CHMP4C: variants seen among roughly 807,000 people sequenced by gnomAD.
The protein encoded by CHMP4C is SNF7 homolog associated with Alix 3.
CHMP4C carries 28 observed loss-of-function variants against 29.0 expected under a neutral mutation model. That is an observed-to-expected ratio of 0.97 (90% CI 0.72 to 1.32). CHMP4C has a LOEUF of 1.32. Among genes scored for constraint, CHMP4C ranks in the 40% most tolerant of loss-of-function variants. CHMP4C has a pLI of 0.00. For synonymous variants in CHMP4C, 106 were observed against 102.4 expected, an observed-to-expected ratio of 1.04 and a Z score of -0.21; for missense variants, 291 against 281.0, an observed-to-expected ratio of 1.04 and a Z score of -0.25.
At chr8:81,746,928 A>G (rs1375687466) in intron 1 of CHMP4C, among the ~76,000 whole-genome samples, 4 of 152,238 alleles carry the variant, frequency 2.6e-5, no homozygotes, top group African/African-American at 9.6e-5. Context: ...ACTATGTGCC[A>G]CTGAACGAAA....
chr8:81,735,420 C>G (rs1224512107), intron 1 of CHMP4C, among the ~76,000 whole-genome samples: 1 of 151,070 alleles, frequency 6.6e-6, no homozygotes, highest in Non-Finnish European at 1.5e-5. Context: ...TCATATACTT[C>G]ATAACTTCAT....
intron 1 of CHMP4C, among the ~76,000 whole-genome samples, chr8:81,739,959 T>G (rs1808742912): frequency 6.6e-6 from 1 of 152,240 alleles, no homozygotes; most frequent in Non-Finnish European, 1.5e-5. Flanking sequence ...TATTTGACAT[T>G]TATTTCTATT....
At chr8:81,744,970 T>A (rs1486956768) in intron 1 of CHMP4C, among the ~76,000 whole-genome samples, 2 of 152,240 alleles carry the variant, frequency 1.3e-5, no homozygotes, top group African/African-American at 4.8e-5. Flanking sequence ...AATTTTCTAT[T>A]TCCCCAGTTG....
chr8:81,754,196 A>T (rs959628483), intron 2 of CHMP4C, among the ~76,000 whole-genome samples: 2 of 152,136 alleles, frequency 1.3e-5, no homozygotes, highest in Non-Finnish European at 2.9e-5. Context: ...TCAGGTAGAC[A>T]TTAGATTCAT....
At chr8:81,734,790 T>C (rs1170840670) in intron 1 of CHMP4C, among the ~76,000 whole-genome samples, 1 of 152,218 alleles carries the variant, frequency 6.6e-6, no homozygotes, top group Non-Finnish European at 1.5e-5. Context: ...GATCTCAATT[T>C]GACTTTATGA....
intron 1 of CHMP4C, among the ~76,000 whole-genome samples, chr8:81,746,836 C>T (rs146465237): frequency 6.6e-6 from 1 of 152,296 alleles, no homozygotes; most frequent in African/African-American, 2.4e-5. Flanking sequence ...CAGTGTCATA[C>T]CATGAGAGTC....
chr8:81,747,674 A>T (rs998555813), intron 1 of CHMP4C, among the ~76,000 whole-genome samples: 1 of 152,150 alleles, frequency 6.6e-6, no homozygotes, highest in Non-Finnish European at 1.5e-5. Context: ...ATAAAGGGAC[A>T]GAGTACAAAA....
At chr8:81,749,508 G>C (rs1455794155) in intron 1 of CHMP4C, among the ~76,000 whole-genome samples, 3 of 152,196 alleles carry the variant, frequency 2.0e-5, no homozygotes, top group South Asian at 2.1e-4. Context: ...AGGCATAGGA[G>C]AGGTGAGGTA....
chr8:81,756,491 T>A (rs972217746), intron 3 of CHMP4C, among the ~76,000 whole-genome samples: 5 of 152,194 alleles, frequency 3.3e-5, no homozygotes, highest in African/African-American at 1.2e-4. Context: ...TATGTGGACA[T>A]CTGGGCTCTA....
chr8:81,742,734 C>T (rs1808776700), intron 1 of CHMP4C, among the ~76,000 whole-genome samples: 1 of 151,940 alleles, frequency 6.6e-6, no homozygotes, highest in African/African-American at 2.4e-5. Flanking sequence ...TAAATATAAC[C>T]TTGGAGTTTG....
At chr8:81,750,579 G>A (rs934816041) in intron 1 of CHMP4C, among the ~76,000 whole-genome samples, 29 of 152,050 alleles carry the variant, frequency 1.9e-4, no homozygotes, top group Admixed American at 4.6e-4. Context: ...CATCCAGCCC[G>A]AGTGACAGAG....
At chr8:81,755,052 G>A (rs1250130000) in intron 2 of CHMP4C, among the ~76,000 whole-genome samples, 1 of 152,242 alleles carries the variant, frequency 6.6e-6, no homozygotes, top group African/African-American at 2.4e-5. Context: ...ATACACAGCA[G>A]CATGTATTTA....
chr8:81,732,841 C>A, intron 1 of CHMP4C, 25 bp downstream of exon 1: 5 of 1,598,958 alleles, frequency 3.1e-6, no homozygotes, highest in Non-Finnish European at 4.3e-6. Context: ...GGCCCACAGG[C>A]GGGAGCCCAT....
At chr8:81,750,059 A>C (rs1362535878) in intron 1 of CHMP4C, among the ~76,000 whole-genome samples, 1 of 152,178 alleles carries the variant, frequency 6.6e-6, no homozygotes, top group Non-Finnish European at 1.5e-5. Context: ...TGCAATAGAA[A>C]AGAAAACCTC....
At chr8:81,748,419 A>G (rs1346969952) in intron 1 of CHMP4C, among the ~76,000 whole-genome samples, 3 of 152,216 alleles carry the variant, frequency 2.0e-5, no homozygotes, top group African/African-American at 7.2e-5. Flanking sequence ...ATAAGTGTCC[A>G]TGAAATCTTT....
chr8:81,751,667 A>G (rs567080921), intron 1 of CHMP4C, among the ~76,000 whole-genome samples: 6 of 152,262 alleles, frequency 3.9e-5, no homozygotes, highest in African/African-American at 1.4e-4. Flanking sequence ...AACAAAAAGC[A>G]TAACAAACAG....
At chr8:81,739,793 T>C (rs1403707883) in intron 1 of CHMP4C, among the ~76,000 whole-genome samples, 1 of 152,224 alleles carries the variant, frequency 6.6e-6, no homozygotes, top group Non-Finnish European at 1.5e-5. Flanking sequence ...GGGCTTGTTA[T>C]TTATTTTGTT....
At chr8:81,733,587 A>C (rs1325062035) in intron 1 of CHMP4C, among the ~76,000 whole-genome samples, 1 of 151,950 alleles carries the variant, frequency 6.6e-6, no homozygotes, top group Non-Finnish European at 1.5e-5. Context: ...TTTGGCACAC[A>C]CAAGAGACTT....
rs147349320 is a variant in CHMP4C at position 81,733,907 on chromosome 8, T to C, written c.190+1091T>C. Among the ~76,000 whole-genome samples, 454 of 152,312 alleles carry C rather than the reference T, an allele frequency of 3.0e-3. 3 individuals are homozygous for C. The highest frequency in any genetic ancestry group is 0.01 in the African/African-American group (421 of 41,554). On this transcript the variant is annotated intron_variant, in intron 1 of 4. Transcript: ENST00000297265. ...AGATTTGGCTCACTCTACAGGATGC[T>C]GCCATTGTTTAATGCAGGAAAGGAA...
Sources: gnomAD v4.1 joint callset for allele counts (sites outside exome capture counted in the v4.1 genomes callset) on GRCh38, gnomAD v4.1.1 for gene constraint, MANE v1.5 for transcripts, NCBI Gene and HGNC (gene_info 2026-07-23, HGNC 2026-07-21) for gene names.